The following MAML2 variants were observed in gnomAD, a reference collection of about 807,000 sequenced individuals.
MAML2 encodes the protein mastermind-like protein 2.
A neutral mutation model predicts 96.1 loss-of-function variants in MAML2; 22 were observed. The ratio of observed to expected loss-of-function variants is 0.23; its 90% CI spans 0.16 to 0.33. The LOEUF (loss-of-function observed/expected upper bound fraction) is 0.33. Among genes scored for constraint, MAML2 ranks in the 10% least tolerant of loss-of-function variants. MAML2 has a pLI of 1.00. For synonymous variants in MAML2, 561 were observed against 521.3 expected (o/e 1.08, Z -1.04); for missense variants, 1,367 against 1,392.4 (o/e 0.98, Z 0.29).
intron 3 of MAML2, among the ~76,000 whole-genome samples, chr11:95,989,536 A>G (rs1409310167): frequency 6.6e-6 from 1 of 152,212 alleles, no homozygotes; most frequent in Non-Finnish European, 1.5e-5. Flanking sequence ...AATTCATGAA[A>G]TTAGTAGTAT....
chr11:96,052,407 A>G (rs1212993477), intron 2 of MAML2, among the ~76,000 whole-genome samples: 3 of 152,222 alleles, frequency 2.0e-5, no homozygotes, highest in Non-Finnish European at 4.4e-5. Flanking sequence ...AAAATTTGCT[A>G]TTATTAATGC....
At chr11:96,048,015 A>C (rs896156363) in intron 2 of MAML2, among the ~76,000 whole-genome samples, 1 of 152,028 alleles carries the variant, frequency 6.6e-6, no homozygotes, top group African/African-American at 2.4e-5. Flanking sequence ...TAATCCTTCT[A>C]GACTACAGTA....
At chr11:96,286,636 T>C (rs1206641580) in intron 1 of MAML2, among the ~76,000 whole-genome samples, 4 of 151,916 alleles carry the variant, frequency 2.6e-5, no homozygotes, top group Non-Finnish European at 5.9e-5. Flanking sequence ...TCTTTTTTTT[T>C]TTTTTTTACA....
At chr11:96,036,740 TC>T (rs140063388) in intron 2 of MAML2, among the ~76,000 whole-genome samples, 2,460 of 152,246 alleles carry the variant, frequency 0.016, 67 homozygotes, top group African/African-American at 0.057. Context: ...GATGTGGCGA[TC>T]CAAATTCCTG....
chr11:96,200,011 T>C (rs1440514026), intron 1 of MAML2, among the ~76,000 whole-genome samples: 1 of 152,182 alleles, frequency 6.6e-6, no homozygotes, highest in East Asian at 1.9e-4. Flanking sequence ...TACTGAAAAT[T>C]ATCTCTAGTG....
intron 1 of MAML2, among the ~76,000 whole-genome samples, chr11:96,212,576 T>C (rs997590916): frequency 3.9e-5 from 6 of 152,218 alleles, no homozygotes; most frequent in African/African-American, 1.4e-4. Context: ...CAGCAGTGGG[T>C]GAGCCTCCTC....
intron 2 of MAML2, among the ~76,000 whole-genome samples, chr11:96,053,261 C>T (rs1046352012): frequency 5.6e-4 from 85 of 152,266 alleles, no homozygotes; most frequent in African/African-American, 1.9e-3. Flanking sequence ...AAATGTCTGA[C>T]TCAATGAAGA....
chr11:96,285,870 TTGGTGAGAA>T (rs1158072386), intron 1 of MAML2, among the ~76,000 whole-genome samples: 2 of 152,216 alleles, frequency 1.3e-5, no homozygotes, highest in African/African-American at 4.8e-5. Context: ...TTCTATGCTG[TTGGTGAGAA>T]TGTAAATTAG....
chr11:96,058,342 T>A (rs1419821177), intron 2 of MAML2, among the ~76,000 whole-genome samples: 1 of 152,176 alleles, frequency 6.6e-6, no homozygotes, highest in Non-Finnish European at 1.5e-5. Flanking sequence ...TCTTTTGAGA[T>A]GGAGTCGCAC....
At chr11:96,147,084 T>C (rs1214537207) in intron 1 of MAML2, among the ~76,000 whole-genome samples, 1 of 152,204 alleles carries the variant, frequency 6.6e-6, no homozygotes, top group Non-Finnish European at 1.5e-5. Context: ...GTCAAACTCA[T>C]TGTAGTGTAC....
rs1464445455 is a variant in MAML2 at position 96,342,936 on chromosome 11, G to C, written c.-1041C>G. 2.6e-6 allele frequency: 1 copy of C among 381,394 alleles called. No homozygotes were observed. The highest frequency in any genetic ancestry group is 4.6e-6 in the Non-Finnish European group (1 of 215,718). 23.6% of individuals were successfully genotyped at this position (381,394 alleles called of 1,614,324 possible). On this transcript the variant is annotated 5_prime_UTR_variant, in exon 1 of 5. Transcript: ENST00000524717. ...CTTCCAGCAAATTGCACCGAGTCAT[G>C]TCCAGCCACTTTTCTGTCCACTTTT...
chr11:96,102,443 T>C (rs901917499), intron 1 of MAML2, among the ~76,000 whole-genome samples: 1 of 152,182 alleles, frequency 6.6e-6, no homozygotes, highest in Non-Finnish European at 1.5e-5. Context: ...GCCTTATTGT[T>C]GTAGATGGGA....
Position 96,121,950 on chromosome 11 carries a change from C to CTTTTTT in MAML2, c.514-28439_514-28434dup, listed in dbSNP as rs71040130. Among the ~76,000 whole-genome samples the CTTTTTT allele has an allele frequency of 2.1e-3, 120 of 56,846 alleles. 6 individuals are homozygous for CTTTTTT. Among genetic ancestry groups the CTTTTTT allele is most frequent in the Non-Finnish European group, 2.3e-3 (78 of 33,388 alleles). 37.3% of individuals were successfully genotyped at this position (56,846 alleles called of 152,430 possible). A position where few individuals can be genotyped will look rare whatever the true frequency, so the allele number is the denominator to read the frequency against. On this transcript the variant is annotated intron_variant, in intron 1 of 4. Transcript: ENST00000524717. ...TACAGGCACCCGCCACCACGCCCGGCTTTTTTTTTTTTTTTTTTTTTTTTT... is the reference window on the plus strand; with the variant it reads ...TACAGGCACCCGCCACCACGCCCGGCTTTTTTTTTTTTTTTTTTTTTTTTTTTTTTT...
At chr11:96,164,340 G>A (rs1055409840) in intron 1 of MAML2, among the ~76,000 whole-genome samples, 1 of 152,094 alleles carries the variant, frequency 6.6e-6, no homozygotes, top group Admixed American at 6.5e-5. Flanking sequence ...TCAGTTTAAA[G>A]GTGAAGAAAG....
intron 1 of MAML2, among the ~76,000 whole-genome samples, chr11:96,237,804 G>A (rs982004288): frequency 1.3e-4 from 20 of 152,276 alleles, no homozygotes; most frequent in African/African-American, 4.8e-4. Flanking sequence ...TTTACACCTT[G>A]CTCATTGTTT....
chr11:96,179,894 ACC>A (rs1861455188), intron 1 of MAML2, among the ~76,000 whole-genome samples: 2 of 152,210 alleles, frequency 1.3e-5, no homozygotes, highest in African/African-American at 2.4e-5. Context: ...GCCAGTGGCC[ACC>A]TTGGCCAACT....
chr11:96,088,670 C>T (rs1480565159), intron 2 of MAML2, among the ~76,000 whole-genome samples: 3 of 152,110 alleles, frequency 2.0e-5, no homozygotes, highest in Non-Finnish European at 4.4e-5. Context: ...ATTTGTTTTC[C>T]CCATCTCTGG....
At chr11:96,274,674 T>G (rs1026520188) in intron 1 of MAML2, among the ~76,000 whole-genome samples, 1 of 152,218 alleles carries the variant, frequency 6.6e-6, no homozygotes, top group African/African-American at 2.4e-5. Flanking sequence ...AATGTGGAAT[T>G]GCATTGGAAA....
intron 1 of MAML2, among the ~76,000 whole-genome samples, chr11:96,113,900 A>T (rs10734174): frequency 0.72 from 109,169 of 151,874 alleles, 39,478 homozygotes; most frequent in East Asian, 0.95. Context: ...ATTTGAAGTC[A>T]TTCATAGAGA....
Sources: allele counts gnomAD v4.1 joint callset (sites outside exome capture counted in the v4.1 genomes callset), GRCh38; gene constraint gnomAD v4.1.1; transcripts MANE v1.5; gene names NCBI Gene and HGNC (gene_info 2026-07-23, HGNC 2026-07-21).